SHH: variants seen among roughly 807,000 people sequenced by gnomAD.
The protein encoded by SHH is sonic hedgehog protein.
A neutral mutation model predicts 16.6 loss-of-function variants in SHH; 3 were observed. That is an observed-to-expected ratio of 0.18 (90% CI 0.08 to 0.47). The LOEUF is 0.47. SHH is among the 20% of genes least tolerant of loss of function. The probability of loss-of-function intolerance (pLI) is 0.98; values close to 1 mark genes in which losing one functional copy is unlikely to be tolerated. For synonymous variants in SHH, 351 were observed against 316.2 expected (o/e 1.11, Z -1.17); for missense variants, 499 against 665.0 (o/e 0.75, Z 2.75).
Position 155,806,491 on chromosome 7 carries a change from G to T in SHH, c.367C>A (p.Arg123=). ...TCTTCGTCCCAGCCCTCGGTCACCC[G>T]CAGTTTCACTCCTGGCCACTGGTTC... ...VMNQWPGVKL[R]VTEGWDEDGH... The change falls in exon 2 of 3, where the codon CGG becomes AGG. Residue 123 remains arginine, a synonymous_variant. Coordinates refer to ENST00000297261, the MANE Select transcript of SHH (RefSeq NM_000193.4). 1.2e-6 allele frequency: 2 copies of T among 1,613,372 alleles called. No homozygotes were observed. Among genetic ancestry groups the T allele is most frequent in the South Asian group, 1.1e-5 (1 of 91,072 alleles).
At chr7:155,803,785 C>A in intron 2 of SHH, 59 bp from the exon 3 acceptor site, 18 of 1,450,506 alleles carry the variant, frequency 1.2e-5, no homozygotes, top group Non-Finnish European at 1.7e-5. Context: ...GAGAGGGAGG[C>A]GCGTCTCGGG....
Position 155,808,622 on chromosome 7 carries a change from C to A in SHH, c.301-2065G>T, listed in dbSNP as rs150675004. 5.1e-3 allele frequency among the ~76,000 whole-genome samples: 778 copies of A among 152,302 alleles called. 8 individuals are homozygous for A. The highest frequency in any genetic ancestry group is 0.01 in the Middle Eastern group (3 of 292). On this transcript the variant is annotated intron_variant, in intron 1 of 2. Transcript: ENST00000297261. ...CCGGGCTCCGCGCGGCCTCGGCTGG[C>A]GGCCTCTCCTCCGCCCGCGCTGGGC...
In SHH at chr7:155,803,732, G is replaced by T; in HGVS notation, c.563-6C>A. On this transcript the variant is annotated splice_polypyrimidine_tract_variant and splice_region_variant and intron_variant, in intron 2 of 2. Transcript: ENST00000297261. ...TTTGGCCGCCACCGAGTTCTCTGCG[G>T]GTGAGGAGAAGGGAAAGAAGAGAGG... is the stretch of plus-strand genomic sequence containing the variant. 4 of 1,594,560 alleles carry T rather than the reference G, an allele frequency of 2.5e-6. No homozygotes were observed. Among genetic ancestry groups the T allele is most frequent in the Non-Finnish European group, 3.4e-6 (4 of 1,177,086 alleles).
At chr7:155,806,855 A>G (rs1417047667) in intron 1 of SHH, 4 of 523,214 alleles carry the variant, frequency 7.6e-6, no homozygotes, top group African/African-American at 3.8e-5. Context: ...AAGCAAATAA[A>G]GTTTCTCTGA....
In SHH at chr7:155,803,055, TGCC is replaced by T; in HGVS notation, c.1231_1233del (p.Gly411del). 13 of 1,428,674 alleles carry T rather than the reference TGCC, an allele frequency of 9.1e-6. No homozygotes were observed. The highest frequency in any genetic ancestry group is 5.1e-5 in the South Asian group (3 of 59,126). The allele number at this position is 1,428,674 out of a possible 1,614,324, so 88.5% of individuals were successfully genotyped here. On this transcript the variant is annotated inframe_deletion, in exon 3 of 3. Coordinates refer to ENST00000297261, the MANE Select transcript of SHH (RefSeq NM_000193.4). ...GCACCTGGAGCGGTTAGGGCTACTC[TGCC>T]GCCGCCGCCCCCGCGGTCCCCGCCG...
chr7:155,802,866 C>CCCCCCCCCCCCCCCCCCA lies in SHH; in HGVS notation c.*33_*34insTGGGGGGGGGGGGGGGGG. On this transcript the variant is annotated 3_prime_UTR_variant, in exon 3 of 3. Transcript: ENST00000297261. Reference sequence around the variant, plus strand: ...GCGTTGCTGTTGCTGCCCCGCCCCGCCCCCTCCCGCGCCCCTCCCCCGGCC... The same window carrying CCCCCCCCCCCCCCCCCCA: ...GCGTTGCTGTTGCTGCCCCGCCCCGCCCCCCCCCCCCCCCCCCACCCCTCCCGCGCCCCTCCCCCGGCC... The CCCCCCCCCCCCCCCCCCA allele has an allele frequency of 1.7e-6, 1 of 604,212 alleles. No individual in the cohort carries two copies. Among genetic ancestry groups the CCCCCCCCCCCCCCCCCCA allele is most frequent in the Non-Finnish European group, 2.6e-6 (1 of 391,530 alleles). 37.4% of individuals were successfully genotyped at this position (604,212 alleles called of 1,614,324 possible).
Position 155,805,038 on chromosome 7 carries a change from GC to G in SHH, c.562+1257del, listed in dbSNP as rs201987325. ...CCCGGCTTGACACGCTGCGCCCCGC[GC>G]CCCCGCCCGTGTGCTCAGAATGCCA... is the stretch of plus-strand genomic sequence containing the variant. On this transcript the variant is annotated intron_variant, in intron 2 of 2. Transcript: ENST00000297261. Among the ~76,000 whole-genome samples the G allele has an allele frequency of 1.4e-4, 21 of 152,154 alleles. No homozygotes were observed. The East Asian group carries it at 2.5e-3, about 18-fold the overall frequency.
chr7:155,805,761 A>C (rs1485468347), intron 2 of SHH, among the ~76,000 whole-genome samples: 1 of 152,086 alleles, frequency 6.6e-6, no homozygotes, highest in African/African-American at 2.4e-5. Context: ...CAGATGCTGG[A>C]GGTGGTTGCC....
chr7:155,806,134 C>A (rs1263088925), intron 2 of SHH, among the ~76,000 whole-genome samples, 162 bp downstream of exon 2: 1 of 152,216 alleles, frequency 6.6e-6, no homozygotes, highest in East Asian at 1.9e-4. Context: ...TTCGAGGGGC[C>A]GGCACCTCAC....
chr7:155,809,609 T>A lies in SHH; in HGVS notation c.300+2214A>T, dbSNP rs1248549111. Among the ~76,000 whole-genome samples, 2 of 152,194 alleles carry A rather than the reference T, an allele frequency of 1.3e-5. No homozygotes were observed. Among genetic ancestry groups the A allele is most frequent in the Non-Finnish European group, 2.9e-5 (2 of 68,022 alleles). On this transcript the variant is annotated intron_variant, in intron 1 of 2. Coordinates refer to ENST00000297261, the MANE Select transcript of SHH (RefSeq NM_000193.4). The surrounding 1 kb of genome is among the most constrained non-coding windows in gnomAD (Gnocchi z 6.1). ...TGGGGTCTGCCTGATAATCCCGGCC[T>A]GGCTCTCCTCACCCAACCCCCACTT...
chr7:155,802,639 AG>A lies in SHH; in HGVS notation c.*260del. 1 of 351,522 alleles carries A rather than the reference AG, an allele frequency of 2.8e-6. No homozygotes were observed. 21.8% of individuals were successfully genotyped at this position (351,522 alleles called of 1,614,324 possible). A position where few individuals can be genotyped will look rare whatever the true frequency, so the allele number is the denominator to read the frequency against. On this transcript the variant is annotated 3_prime_UTR_variant, in exon 3 of 3. Transcript: ENST00000297261. ...ATCTATTCATACCAAACAAATAAATAGCCAGGAGAGGAGGAAAAAATAACCA... is the reference window on the plus strand; with the variant it reads ...ATCTATTCATACCAAACAAATAAATACCAGGAGAGGAGGAAAAAATAACCA...
In SHH at chr7:155,800,620, C is replaced by T. The variant is rs76993738; in HGVS notation, c.*2280G>A. ...GAACTGTCAAAAGAACAGAAACCAT[C>T]GCACTTCCTCCGAGATTGTAAACAC... On this transcript the variant is annotated 3_prime_UTR_variant, in exon 3 of 3. Transcript: ENST00000297261. The T allele has an allele frequency of 1.2e-4, 55 of 470,856 alleles. No homozygotes were observed. In the East Asian group the frequency reaches 1.5e-3, roughly 12 times the overall value. 29.2% of individuals were successfully genotyped at this position (470,856 alleles called of 1,614,324 possible).
chr7:155,810,965 G>C (rs1191114423), intron 1 of SHH, among the ~76,000 whole-genome samples: 1 of 152,230 alleles, frequency 6.6e-6, no homozygotes, highest in African/African-American at 2.4e-5. Context: ...GGGAGAGAGA[G>C]AGGAATTCAT....
intron 2 of SHH, 21 bp downstream of exon 2, chr7:155,806,275 G>T: frequency 6.2e-7 from 1 of 1,612,576 alleles, no homozygotes; most frequent in African/African-American, 1.3e-5. Context: ...GGTCGGATCC[G>T]GGGGGCCAGG....
In SHH at chr7:155,802,599, C is replaced by G. The variant is rs182470633; in HGVS notation, c.*301G>C. On this transcript the variant is annotated 3_prime_UTR_variant, in exon 3 of 3. Transcript: ENST00000297261. ...ATTTAAGGCTCTTGAAGGTCCGGTT[C>G]ATATTATTTAAAACATCTATTCATA... The G allele has an allele frequency of 1.7e-4, 46 of 273,688 alleles. No homozygotes were observed. Among genetic ancestry groups the G allele is most frequent in the Non-Finnish European group, 4.7e-5 (7 of 147,460 alleles). 17.0% of individuals were successfully genotyped at this position (273,688 alleles called of 1,614,324 possible). A position where few individuals can be genotyped will look rare whatever the true frequency, so the allele number is the denominator to read the frequency against.
chr7:155,806,856 G>A (rs1379380510), intron 1 of SHH: 2 of 521,658 alleles, frequency 3.8e-6, no homozygotes, highest in African/African-American at 1.9e-5. Flanking sequence ...AGCAAATAAA[G>A]TTTCTCTGAA....
At position 155,803,712 on chromosome 7, in the gene SHH, C is replaced by T. The variant is rs770421409; in HGVS notation, c.577G>A (p.Ala193Thr). Reference sequence around the variant, plus strand: ...CCCGGGAAGCAGCCTCCCGATTTGGCCGCCACCGAGTTCTCTGCGGGTGAG... The same window carrying T: ...CCCGGGAAGCAGCCTCCCGATTTGGTCGCCACCGAGTTCTCTGCGGGTGAG... ...CSVKAENSVA[A>T]KSGGCFPGSA... Residue 193 changes from alanine to threonine, a missense_variant, in exon 3 of 3, where the codon GCC (alanine) becomes ACC (threonine). Physicochemically the swap from Ala to Thr is moderately conservative, Grantham distance 58. Transcript: ENST00000297261. 1 of 1,596,954 alleles carries T rather than the reference C, an allele frequency of 6.3e-7. No individual in the cohort carries two copies. Among genetic ancestry groups the T allele is most frequent in the Middle Eastern group, 1.8e-4 (1 of 5,626 alleles).
At chr7:155,804,002 G>C (rs1456748437) in intron 2 of SHH, among the ~76,000 whole-genome samples, 1 of 152,146 alleles carries the variant, frequency 6.6e-6, no homozygotes, top group Non-Finnish European at 1.5e-5. Flanking sequence ...GCAGAGGCCG[G>C]TGACACTCTT....
rs1131692264 is a variant in SHH at position 155,803,118 on chromosome 7, C to T, written c.1171G>A (p.Ala391Thr). 3.7e-6 allele frequency: 5 copies of T among 1,355,852 alleles called. No homozygotes were observed. The highest frequency in any genetic ancestry group is 3.1e-5 in the East Asian group (1 of 32,026). The allele number at this position is 1,355,852 out of a possible 1,614,324, so 84.0% of individuals were successfully genotyped here. The change falls in exon 3 of 3, where the codon GCG becomes ACG. Residue 391 changes from alanine to threonine, a missense_variant. This residue lies in a region of SHH where 299 missense variants were observed against 301.1 expected (regional missense o/e 0.99). Transcript: ENST00000297261. ...RLAHALLAALAPARTDRGGDS... is the reference protein window; with the variant it reads ...RLAHALLAALTPARTDRGGDS... ...CCGCCGCGGTCCGTGCGCGCGGGCG[C>T]CAGTGCAGCCAGGAGCGCGTGCGCC...
Sources: allele counts gnomAD v4.1 joint callset (sites outside exome capture counted in the v4.1 genomes callset), GRCh38; gene constraint gnomAD v4.1.1; regional missense constraint gnomAD v4.1.1; non-coding constraint Gnocchi (gnomAD v3.1); transcripts MANE v1.5; gene names NCBI Gene and HGNC (gene_info 2026-07-23, HGNC 2026-07-21).